Variants in ZNF385B observed in about 807,000 individuals in gnomAD.
The protein encoded by ZNF385B is zinc finger protein 385B.
In ZNF385B, 23 loss-of-function variants were observed where a neutral mutation model predicts 39.2. The observed-to-expected ratio is 0.59, with a 90% CI of 0.42 to 0.83. The LOEUF (loss-of-function observed/expected upper bound fraction) is 0.83. ZNF385B is among the 40% of genes least tolerant of loss of function. ZNF385B has a pLI of 0.00. For missense variants in ZNF385B, 552 were observed against 598.9 expected, an observed-to-expected ratio of 0.92 and a Z score of 0.82; for synonymous variants, 205 against 222.6, an observed-to-expected ratio of 0.92 and a Z score of 0.70.
At chr2:179,533,802 AG>A (rs1368270356) in intron 4 of ZNF385B, among the ~76,000 whole-genome samples, 15 of 152,188 alleles carry the variant, frequency 9.9e-5, no homozygotes, top group African/African-American at 3.6e-4. Flanking sequence ...CATGGGAATA[AG>A]GGGTCTATAT....
At chr2:179,642,997 T>C (rs1163250626) in intron 3 of ZNF385B, among the ~76,000 whole-genome samples, 1 of 152,156 alleles carries the variant, frequency 6.6e-6, no homozygotes, top group Admixed American at 6.6e-5. Flanking sequence ...CCTAGATCCT[T>C]TTCTGATAGA....
chr2:179,576,725 A>G (rs1685864408), intron 3 of ZNF385B, among the ~76,000 whole-genome samples: 1 of 152,204 alleles, frequency 6.6e-6, no homozygotes, highest in South Asian at 2.1e-4. Flanking sequence ...GACTTCAGAG[A>G]AAACTGGTGG....
chr2:179,527,674 C>T (rs920415073), intron 4 of ZNF385B, among the ~76,000 whole-genome samples: 8 of 152,058 alleles, frequency 5.3e-5, no homozygotes, highest in Admixed American at 2.6e-4. Context: ...ATTCAGTTCT[C>T]TCCTTAGGAA....
chr2:179,558,238 C>T (rs1314715631), intron 3 of ZNF385B, among the ~76,000 whole-genome samples: 1 of 152,270 alleles, frequency 6.6e-6, no homozygotes, highest in East Asian at 1.9e-4. Flanking sequence ...CTAAAGGGAT[C>T]TGGATACAGC....
intron 1 of ZNF385B, among the ~76,000 whole-genome samples, chr2:179,793,718 G>A (rs540106902): frequency 6.6e-6 from 1 of 152,320 alleles, no homozygotes; most frequent in Admixed American, 6.5e-5. Context: ...GTGTGACAGT[G>A]GACTAATACA....
intron 3 of ZNF385B, among the ~76,000 whole-genome samples, chr2:179,552,096 T>C (rs1445380608): frequency 3.3e-5 from 5 of 149,392 alleles, no homozygotes; most frequent in Non-Finnish European, 7.4e-5. Context: ...TGTAACATAA[T>C]AGGTACCTTA....
intron 6 of ZNF385B, among the ~76,000 whole-genome samples, chr2:179,463,028 G>A (rs1194840584): frequency 6.6e-6 from 1 of 152,010 alleles, no homozygotes; most frequent in Non-Finnish European, 1.5e-5. Context: ...ATAATAAAAA[G>A]TTATATATAC....
chr2:179,607,625 T>C (rs1017145461), intron 3 of ZNF385B, among the ~76,000 whole-genome samples: 1 of 152,124 alleles, frequency 6.6e-6, no homozygotes, highest in Admixed American at 6.5e-5. Context: ...TAATAATGGT[T>C]ATGCGGAAAT....
intron 1 of ZNF385B, among the ~76,000 whole-genome samples, chr2:179,851,965 TAAAG>T (rs1378756234): frequency 6.6e-6 from 1 of 152,214 alleles, no homozygotes; most frequent in Non-Finnish European, 1.5e-5. Flanking sequence ...AATACAATAT[TAAAG>T]AAAGACAACA....
At chr2:179,490,833 C>T (rs1010475065) in intron 5 of ZNF385B, among the ~76,000 whole-genome samples, 2 of 152,058 alleles carry the variant, frequency 1.3e-5, no homozygotes, top group African/African-American at 2.4e-5. Context: ...AGTAGCACAG[C>T]GCATAAGAGA....
At chr2:179,844,891 T>C (rs932746897) in intron 1 of ZNF385B, among the ~76,000 whole-genome samples, 2 of 152,196 alleles carry the variant, frequency 1.3e-5, no homozygotes, top group African/African-American at 4.8e-5. Context: ...AGTGATAACA[T>C]CTATAAACTA....
chr2:179,725,117 T>C (rs13001769), intron 3 of ZNF385B, among the ~76,000 whole-genome samples: 6,114 of 152,144 alleles, frequency 0.04, 190 homozygotes, highest in Middle Eastern at 0.065. Context: ...ATATAATGTA[T>C]ATTTAATTTC....
rs1368366542 is a variant in ZNF385B, at chr2:179,442,051, T to TTGCAGATA, written c.*1191_*1198dup. The TTGCAGATA allele has an allele frequency of 2.0e-5, 3 of 152,610 alleles. No homozygotes were observed. Among genetic ancestry groups the TTGCAGATA allele is most frequent in the Non-Finnish European group, 4.4e-5 (3 of 68,026 alleles). 9.5% of individuals were successfully genotyped at this position (152,610 alleles called of 1,614,324 possible). ...ACACAGACATTTTACCATTTACAGG[T>TTGCAGATA]TGCAGATATAGATGCTCTAAAAGAG... On this transcript the variant is annotated 3_prime_UTR_variant, in exon 10 of 10. Coordinates refer to ENST00000410066, the MANE Select transcript of ZNF385B (RefSeq NM_152520.6).
intron 1 of ZNF385B, among the ~76,000 whole-genome samples, chr2:179,794,711 T>C (rs1705547042): frequency 6.6e-6 from 1 of 152,132 alleles, no homozygotes; most frequent in Non-Finnish European, 1.5e-5. Context: ...CATCCACTTG[T>C]CCATAACTTT....
intron 4 of ZNF385B, among the ~76,000 whole-genome samples, chr2:179,522,555 G>A (rs149146886): frequency 2.0e-5 from 3 of 152,258 alleles, no homozygotes; most frequent in African/African-American, 7.2e-5. Flanking sequence ...GATTTCATGT[G>A]TAGACTACTC....
chr2:179,656,492 G>A (rs942913473), intron 3 of ZNF385B, among the ~76,000 whole-genome samples: 1 of 152,136 alleles, frequency 6.6e-6, no homozygotes, highest in African/African-American at 2.4e-5. Context: ...TAATGGCACA[G>A]CAGCTAATCA....
At chr2:179,720,181 T>C (rs777336218) in intron 3 of ZNF385B, among the ~76,000 whole-genome samples, 2 of 152,040 alleles carry the variant, frequency 1.3e-5, no homozygotes, top group Non-Finnish European at 2.9e-5. Context: ...TCTCAAAGGG[T>C]AAATCCAAAA....
intron 3 of ZNF385B, among the ~76,000 whole-genome samples, chr2:179,703,103 C>T (rs1699332423): frequency 6.6e-6 from 1 of 152,220 alleles, no homozygotes; most frequent in Admixed American, 6.5e-5. Context: ...TTCTTTTTAG[C>T]CAGGGCAAAG....
At position 179,457,102 on chromosome 2, in the gene ZNF385B, T is replaced by C. The variant is rs183467111; in HGVS notation, c.716-10332A>G. Among the ~76,000 whole-genome samples the C allele has an allele frequency of 2.6e-3, 397 of 152,300 alleles. 3 individuals are homozygous for C. The highest frequency in any genetic ancestry group is 9.2e-3 in the African/African-American group (384 of 41,574). ...TCTATTAACCTAGATCAGTTTTATC[T>C]ATTTTTAAGCTTCATATAAGGAAAT... On this transcript the variant is annotated intron_variant, in intron 6 of 9. Transcript: ENST00000410066.
Sources: allele counts gnomAD v4.1 joint callset (sites outside exome capture counted in the v4.1 genomes callset), GRCh38; gene constraint gnomAD v4.1.1; transcripts MANE v1.5; gene names NCBI Gene and HGNC (gene_info 2026-07-23, HGNC 2026-07-21).